KLHL7: variants seen among roughly 807,000 people sequenced by gnomAD.
KLHL7 encodes the protein kelch like family member 7.
In KLHL7, 44 loss-of-function variants were observed where a neutral mutation model predicts 67.4. The ratio of observed to expected loss-of-function variants is 0.65; its 90% CI spans 0.51 to 0.84. The LOEUF (loss-of-function observed/expected upper bound fraction) is 0.84. KLHL7 is among the 40% of genes least tolerant of loss of function. The pLI, the probability that KLHL7 is intolerant of heterozygous loss-of-function variation, is 0.00. For missense variants in KLHL7, 362 were observed against 718.1 expected, an observed-to-expected ratio of 0.50 and a Z score of 5.67; for synonymous variants, 252 against 243.3, an observed-to-expected ratio of 1.04 and a Z score of -0.33.
chr7:23,143,770 C>T, intron 5 of KLHL7, 81 bp from the exon 6 acceptor site: 1 of 1,375,372 alleles, frequency 7.3e-7, no homozygotes, highest in Non-Finnish European at 1.0e-6. Context: ...AGGTTCTCTC[C>T]CTTCAATATG....
intron 7 of KLHL7, among the ~76,000 whole-genome samples, chr7:23,162,299 G>A (rs376432841): frequency 2.6e-5 from 4 of 152,128 alleles, no homozygotes; most frequent in African/African-American, 9.7e-5. Context: ...CTGTAAATGA[G>A]TATATTACCT....
Position 23,105,892 on chromosome 7 carries a change from C to T in KLHL7, c.-135C>T, listed in dbSNP as rs1488468987. On this transcript the variant is annotated 5_prime_UTR_variant, in exon 1 of 11. Coordinates refer to ENST00000339077, the MANE Select transcript of KLHL7 (RefSeq NM_001031710.3). ...CAGTGGCCGAGCCACCGCCGCCTGC[C>T]GCGCGTTCCAGAGCTGGGCGCTGCA... The T allele has an allele frequency of 1.4e-6, 2 of 1,382,314 alleles. No individual in the cohort carries two copies. The highest frequency in any genetic ancestry group is 1.2e-5 in the South Asian group (1 of 80,262). The allele number at this position is 1,382,314 out of a possible 1,614,324, so 85.6% of individuals were successfully genotyped here.
At chr7:23,165,612 A>G (rs1784980176) in intron 7 of KLHL7, 86 bp from the exon 8 acceptor site, 6 of 1,401,842 alleles carry the variant, frequency 4.3e-6, no homozygotes, top group Non-Finnish European at 5.0e-6. Context: ...ACATATTCTT[A>G]TATGTTTTTT....
chr7:23,124,820 T>C, intron 3 of KLHL7, 39 bp downstream of exon 3: 1 of 1,338,360 alleles, frequency 7.5e-7, no homozygotes, highest in Non-Finnish European at 1.1e-6. Context: ...GAAGTAATGT[T>C]GGTATCTACC....
chr7:23,151,955 A>G, intron 6 of KLHL7, 112 bp from the exon 7 acceptor site: 1 of 980,606 alleles, frequency 1.0e-6, no homozygotes, highest in Non-Finnish European at 1.6e-6. Context: ...CTATAGAGAT[A>G]TCATAAAAGT....
intron 6 of KLHL7, among the ~76,000 whole-genome samples, chr7:23,150,131 C>G (rs1784485896): frequency 1.3e-5 from 2 of 151,760 alleles, no homozygotes; most frequent in African/African-American, 2.4e-5. Flanking sequence ...GCACTCCAGC[C>G]CAAGTGACAG....
chr7:23,123,717 T>G (rs1047036053), intron 1 of KLHL7, 60 bp from the exon 2 acceptor site: 62 of 1,094,580 alleles, frequency 5.7e-5, no homozygotes, highest in Middle Eastern at 4.6e-4. Flanking sequence ...CTTTTTAACA[T>G]GTATTGCCAA....
chr7:23,155,818 T>A (rs1784686935), intron 7 of KLHL7, among the ~76,000 whole-genome samples: 1 of 152,236 alleles, frequency 6.6e-6, no homozygotes, highest in Non-Finnish European at 1.5e-5. Flanking sequence ...AATATTTTAT[T>A]TTAAAATAAA....
rs544758507 is a variant in KLHL7 at position 23,172,029 on chromosome 7, G to T, written c.1380-919G>T. The T allele has an allele frequency of 1.3e-4, 49 of 375,952 alleles. 1 individual carries two copies. The highest frequency in any genetic ancestry group is 9.3e-4 in the South Asian group (49 of 52,596). 23.3% of individuals were successfully genotyped at this position (375,952 alleles called of 1,614,324 possible). A position where few individuals can be genotyped will look rare whatever the true frequency, so the allele number is the denominator to read the frequency against. On this transcript the variant is annotated intron_variant, in intron 9 of 10. Transcript: ENST00000339077. The stretch of plus-strand genomic sequence containing the variant: ...CGGCCGGCCATCAAATTATTTTAAA[G>T]AAGAGATATAAACAATAATTATAGA...
chr7:23,144,283 G>T (rs1784285014), intron 6 of KLHL7, among the ~76,000 whole-genome samples: 1 of 152,132 alleles, frequency 6.6e-6, no homozygotes, highest in Admixed American at 6.5e-5. Context: ...TAACTTTCAT[G>T]CGCTTTTGTT....
chr7:23,153,193 A>C (rs1784592186), intron 7 of KLHL7, among the ~76,000 whole-genome samples: 1 of 145,170 alleles, frequency 6.9e-6, no homozygotes, highest in African/African-American at 2.6e-5. Context: ...ACTTTCCTTC[A>C]TATTGTCCTT....
chr7:23,140,578 CAAA>C, intron 4 of KLHL7, 188 bp from the exon 5 acceptor site: 1 of 607,218 alleles, frequency 1.6e-6, no homozygotes, highest in Non-Finnish European at 2.9e-6. Flanking sequence ...AAACAAAAAA[CAAA>C]AAAAAAACCA....
chr7:23,122,136 A>G (rs1310713349), intron 1 of KLHL7, among the ~76,000 whole-genome samples: 1 of 151,778 alleles, frequency 6.6e-6, no homozygotes, highest in African/African-American at 2.4e-5. Context: ...CAGTTGCTGT[A>G]CAAAGATCTA....
intron 1 of KLHL7, among the ~76,000 whole-genome samples, chr7:23,113,602 A>G (rs1251935618): frequency 2.0e-5 from 3 of 152,180 alleles, no homozygotes; most frequent in African/African-American, 7.2e-5. Flanking sequence ...AAGCTGGGGC[A>G]GGCAGATCAC....
At chr7:23,147,473 A>G (rs1350128671) in intron 6 of KLHL7, among the ~76,000 whole-genome samples, 2 of 152,020 alleles carry the variant, frequency 1.3e-5, no homozygotes, top group African/African-American at 4.8e-5. Context: ...ATGTTATTTT[A>G]TGTTTTATGT....
intron 7 of KLHL7, among the ~76,000 whole-genome samples, chr7:23,161,381 A>C (rs529763486): frequency 6.6e-6 from 1 of 152,276 alleles, no homozygotes; most frequent in Admixed American, 6.5e-5. Context: ...GATACACCAT[A>C]ATTTAATACC....
chr7:23,115,735 G>C (rs1348141986), intron 1 of KLHL7, among the ~76,000 whole-genome samples: 2 of 151,882 alleles, frequency 1.3e-5, no homozygotes, highest in Non-Finnish European at 2.9e-5. Flanking sequence ...AGTAGAGACG[G>C]GGTTTTACCA....
At chr7:23,113,014 C>T (rs1165445040) in intron 1 of KLHL7, among the ~76,000 whole-genome samples, 1 of 151,816 alleles carries the variant, frequency 6.6e-6, no homozygotes, top group Non-Finnish European at 1.5e-5. Flanking sequence ...TAATCTCAGA[C>T]AGGGGTGGCG....
intron 7 of KLHL7, among the ~76,000 whole-genome samples, chr7:23,162,290 T>G (rs1004835113): frequency 6.6e-6 from 1 of 152,246 alleles, no homozygotes; most frequent in Non-Finnish European, 1.5e-5. Flanking sequence ...TTTTCTTATC[T>G]GTAAATGAGT....
Sources: gnomAD v4.1 joint callset for allele counts (sites outside exome capture counted in the v4.1 genomes callset) on GRCh38, gnomAD v4.1.1 for gene constraint, MANE v1.5 for transcripts, NCBI Gene and HGNC (gene_info 2026-07-23, HGNC 2026-07-21) for gene names.